PSMC2: variants seen among roughly 807,000 people sequenced by gnomAD.
PSMC2 encodes 26S proteasome regulatory subunit 7.
PSMC2 carries 7 observed loss-of-function variants against 53.3 expected under a neutral mutation model. The observed-to-expected ratio is 0.13, with a 90% confidence interval of 0.07 to 0.25. The LOEUF is 0.25. PSMC2 is among the 10% of genes least tolerant of loss of function. The pLI is 1.00. For missense variants in PSMC2, 241 were observed against 544.0 expected (o/e 0.44, Z 5.54); for synonymous variants, 169 against 183.9 (o/e 0.92, Z 0.66).
chr7:103,362,803 T>G (rs753833604), intron 6 of PSMC2, 45 bp downstream of exon 6: 10 of 1,446,158 alleles, frequency 6.9e-6, no homozygotes, highest in Non-Finnish European at 9.6e-6. Context: ...TCTTTTTTTT[T>G]TTTTTTTTTT....
At chr7:103,362,802 T>A in intron 6 of PSMC2, 44 bp downstream of exon 6, 1 of 1,443,906 alleles carries the variant, frequency 6.9e-7, no homozygotes, top group Non-Finnish European at 9.6e-7. Context: ...GTCTTTTTTT[T>A]TTTTTTTTTT....
rs745542545 is a variant in PSMC2, at chr7:103,362,503, C to G, written c.423-183C>G. 2.1e-6 allele frequency: 3 copies of G among 1,406,676 alleles called. No homozygotes were observed. In the East Asian group the frequency reaches 8.1e-5, roughly 38 times the overall value. The allele number at this position is 1,406,676 out of a possible 1,614,324, so 87.1% of individuals were successfully genotyped here. ...TGATTGCTGTTGGATAGGTTGTTTG[C>G]GACATTAGACATGTAGTTTAGTATC... On this transcript the variant is annotated intron_variant, in intron 5 of 11. Transcript: ENST00000292644.
rs765424871 is a variant in PSMC2, at chr7:103,367,865, T to C, written c.1145-32T>C. 5 of 1,612,252 alleles carry C rather than the reference T, an allele frequency of 3.1e-6. No homozygotes were observed. The highest frequency in any genetic ancestry group is 3.4e-6 in the Non-Finnish European group (4 of 1,179,260). ...GGTCTGTCTGCTCAGGCTGCTTTAA[T>C]TAAGCCCGTTTATTTTCTTTTTGTT... On this transcript the variant is annotated intron_variant, in intron 11 of 11. Transcript: ENST00000292644. This position sits in a 1 kb window ranked among gnomAD's most constrained non-coding sequence, Gnocchi z 6.1.
Position 103,368,058 on chromosome 7 carries a change from C to T in PSMC2, c.*4C>T, listed in dbSNP as rs1284996723. On this transcript the variant is annotated 3_prime_UTR_variant, in exon 12 of 12. Transcript: ENST00000292644. Reference sequence around the variant, plus strand: ...TCGTTACATGACATACAACTGAACCCTGAAGGCTTTCAAGTGAAAACTTTA... The same window carrying T: ...TCGTTACATGACATACAACTGAACCTTGAAGGCTTTCAAGTGAAAACTTTA... 4 of 1,594,826 alleles carry T rather than the reference C, an allele frequency of 2.5e-6. No individual in the cohort carries two copies. In the African/African-American group the frequency reaches 4.1e-5, roughly 16 times the overall value.
At chr7:103,364,042 C>A in intron 7 of PSMC2, 101 bp from the exon 8 acceptor site, 1 of 1,099,970 alleles carries the variant, frequency 9.1e-7, no homozygotes, top group Non-Finnish European at 1.3e-6. Flanking sequence ...GTATGGTTTT[C>A]AGGATAAAAT....
intron 9 of PSMC2, 50 bp downstream of exon 9, chr7:103,366,213 C>A (rs1244221067): frequency 1.4e-6 from 2 of 1,478,060 alleles, no homozygotes; most frequent in Admixed American, 1.7e-5. Context: ...TTCATGAAAG[C>A]TGTAAAGTGA....
intron 9 of PSMC2, 51 bp downstream of exon 9, chr7:103,366,214 T>C (rs1820709913): frequency 1.4e-6 from 2 of 1,467,938 alleles, no homozygotes; most frequent in Non-Finnish European, 1.9e-6. Context: ...TCATGAAAGC[T>C]GTAAAGTGAT....
intron 2 of PSMC2, 117 bp from the exon 3 acceptor site, chr7:103,354,751 A>C: frequency 1.2e-5 from 8 of 661,156 alleles, no homozygotes; most frequent in Non-Finnish European, 2.1e-5. Context: ...TCTCTACTTC[A>C]CAAGCTTTGG....
intron 5 of PSMC2, chr7:103,362,423 C>T (rs780783771): frequency 1.5e-6 from 2 of 1,350,040 alleles, no homozygotes; most frequent in Non-Finnish European, 1.9e-6. Context: ...CTATAGAATA[C>T]ATAACAACTC....
rs115402598 is a variant in PSMC2 at position 103,348,075 on chromosome 7, G to T, written c.70+294G>T. Among the ~76,000 whole-genome samples, 335 of 152,204 alleles carry T rather than the reference G, an allele frequency of 2.2e-3. 1 individual carries two copies. The highest frequency in any genetic ancestry group is 7.7e-3 in the African/African-American group (319 of 41,512). On this transcript the variant is annotated intron_variant, in intron 1 of 11. Coordinates refer to ENST00000292644, the MANE Select transcript of PSMC2 (RefSeq NM_002803.4). ...TAGGCCTTGAAAAGTTCTGCCTGGC[G>T]GTGCTCGGTCACCTGATCCTCTTTC...
intron 8 of PSMC2, among the ~76,000 whole-genome samples, chr7:103,365,363 G>A (rs1467767658): frequency 1.3e-5 from 2 of 152,144 alleles, no homozygotes; most frequent in South Asian, 2.1e-4. Context: ...CAGGCACGGT[G>A]GCTCATGCCT....
chr7:103,362,531 C>T (rs1820469910), intron 5 of PSMC2, 155 bp from the exon 6 acceptor site: 1 of 1,402,754 alleles, frequency 7.1e-7, no homozygotes, highest in South Asian at 1.5e-5. Flanking sequence ...TTAGTATCCT[C>T]AGATTTCATG....
chr7:103,362,445 T>TA (rs200119856), intron 5 of PSMC2: 371 of 1,356,172 alleles, frequency 2.7e-4, no homozygotes, highest in African/African-American at 2.5e-3. Context: ...CTTAGTAAAT[T>TA]AAAAAAAAAT....
chr7:103,363,756 G>A (rs1050113970), intron 7 of PSMC2, among the ~76,000 whole-genome samples: 3 of 152,160 alleles, frequency 2.0e-5, no homozygotes, highest in African/African-American at 7.2e-5. Context: ...AAGACATCGA[G>A]AAGAAAGGGG....
intron 7 of PSMC2, 76 bp from the exon 8 acceptor site, chr7:103,364,067 C>A: frequency 7.2e-7 from 1 of 1,379,934 alleles, no homozygotes; most frequent in Non-Finnish European, 9.9e-7. Flanking sequence ...AACATAAAAG[C>A]ACTTTGTTGA....
chr7:103,348,825 TAG>T (rs1222473471), intron 1 of PSMC2: 4 of 675,656 alleles, frequency 5.9e-6, no homozygotes, highest in African/African-American at 5.3e-5. Context: ...AAAACCATGA[TAG>T]TTCTTTGTAC....
chr7:103,358,166 AT>A (rs753010677), intron 4 of PSMC2, among the ~76,000 whole-genome samples: 7 of 152,178 alleles, frequency 4.6e-5, no homozygotes, highest in Admixed American at 2.6e-4. Context: ...TCCCTTCAAA[AT>A]TTTGAAGGCG....
chr7:103,352,253 C>T (rs1192365070), intron 1 of PSMC2, among the ~76,000 whole-genome samples: 1 of 128,252 alleles, frequency 7.8e-6, no homozygotes, highest in Non-Finnish European at 1.7e-5. Flanking sequence ...AAAAGACCTG[C>T]CGTTTTTTTC....
intron 9 of PSMC2, among the ~76,000 whole-genome samples, chr7:103,366,684 A>AATG (rs1820735753): frequency 1.3e-5 from 2 of 152,234 alleles, no homozygotes; most frequent in Non-Finnish European, 2.9e-5. Flanking sequence ...AGTATCATCT[A>AATG]ATGTCATAAG....
Sources: gnomAD v4.1 joint callset for allele counts (sites outside exome capture counted in the v4.1 genomes callset) on GRCh38, gnomAD v4.1.1 for gene constraint, Gnocchi (gnomAD v3.1) non-coding constraint, MANE v1.5 for transcripts, NCBI Gene and HGNC (gene_info 2026-07-23, HGNC 2026-07-21) for gene names.